Variants in PERP observed in about 807,000 individuals in gnomAD.
PERP encodes p53 apoptosis effector related to PMP22.
A neutral mutation model predicts 20.3 loss-of-function variants in PERP; 11 were observed. That is an observed-to-expected ratio of 0.54 (90% CI 0.34 to 0.90). PERP has a LOEUF of 0.90. Ranked by LOEUF, PERP falls within the 40% of genes least tolerant of loss-of-function variation. The pLI is 0.02. For synonymous variants in PERP, 101 were observed against 102.0 expected (o/e 0.99, Z 0.06); for missense variants, 224 against 249.4 (o/e 0.90, Z 0.69).
intron 1 of PERP, among the ~76,000 whole-genome samples, chr6:138,097,138 A>G (rs574537415): frequency 2.0e-5 from 3 of 152,330 alleles, no homozygotes; most frequent in Non-Finnish European, 2.9e-5. Flanking sequence ...TTAATTTCTT[A>G]AGTATTCAAA....
intron 1 of PERP, among the ~76,000 whole-genome samples, 165 bp from the exon 2 acceptor site, chr6:138,096,659 G>A (rs903459906): frequency 6.6e-6 from 1 of 152,100 alleles, no homozygotes; most frequent in African/African-American, 2.4e-5. Context: ...ATATTTTAAG[G>A]GAAGAACAGG....
At chr6:138,100,535 A>G (rs557804030) in intron 1 of PERP, among the ~76,000 whole-genome samples, 2 of 147,524 alleles carry the variant, frequency 1.4e-5, no homozygotes, top group South Asian at 2.2e-4. Flanking sequence ...TATTTTATAT[A>G]CCAGATTTGT....
rs1775561610 is a variant in PERP at position 138,090,522 on chromosome 6, T to G, written c.*1520A>C. On this transcript the variant is annotated 3_prime_UTR_variant, in exon 3 of 3. Transcript: ENST00000421351. ...AATCTCTTAGTCCATTTTCCTCTGG[T>G]TGATAGCACTGCAGAGAAATTGTTT... 1 of 152,160 alleles carries G rather than the reference T, an allele frequency of 6.6e-6. No homozygotes were observed. The highest frequency in any genetic ancestry group is 2.4e-5 in the African/African-American group (1 of 41,444). The allele number at this position is 152,160 out of a possible 1,614,324, so 9.4% of individuals were successfully genotyped here.
At chr6:138,094,600 T>C (rs889946691) in intron 2 of PERP, among the ~76,000 whole-genome samples, 7 of 152,240 alleles carry the variant, frequency 4.6e-5, no homozygotes, top group African/African-American at 1.7e-4. Context: ...TGAACATGGG[T>C]TACAAGTATC....
In PERP at chr6:138,107,189, C is replaced by T; in HGVS notation, c.152G>A (p.Cys51Tyr). Residue 51 changes from cysteine to tyrosine, a missense_variant, in exon 1 of 3, where the codon TGC becomes TAC. Cys to Tyr is a radical substitution (Grantham distance 194). Transcript: ENST00000421351. The surrounding 1 kb of genome is among the most constrained non-coding windows in gnomAD (Gnocchi z 4.8). ...CCCGCTGCCGCCGCCCTCTTGGGAG[C>T]ATTTCCACCACAGCGAGGACGTCTG... ...HGQTSSLWWK[C>Y]SQEGGGSGSY... The T allele has an allele frequency of 6.2e-7, 1 of 1,612,272 alleles. No homozygotes were observed. Among genetic ancestry groups the T allele is most frequent in the Non-Finnish European group, 8.5e-7 (1 of 1,179,608 alleles).
intron 1 of PERP, among the ~76,000 whole-genome samples, chr6:138,106,627 C>T (rs1057205049): frequency 4.0e-4 from 61 of 152,216 alleles, no homozygotes; most frequent in African/African-American, 1.4e-3. Context: ...AAAACGTTAA[C>T]TGCTAAAACT....
rs746723968 is a variant in PERP at position 138,088,553 on chromosome 6, G to A, written c.*3489C>T. The A allele has an allele frequency of 1.3e-5, 2 of 152,166 alleles. No individual in the cohort carries two copies. The highest frequency in any genetic ancestry group is 2.1e-4 in the South Asian group (1 of 4,830). 9.4% of individuals were successfully genotyped at this position (152,166 alleles called of 1,614,324 possible). On this transcript the variant is annotated 3_prime_UTR_variant, in exon 3 of 3. Transcript: ENST00000421351. Reference sequence around the variant, plus strand: ...GCAGCCAACAAAGTATGTTTTCGAGGTTAACAACGAAGCACAGGATAGTAC... The same window carrying A: ...GCAGCCAACAAAGTATGTTTTCGAGATTAACAACGAAGCACAGGATAGTAC...
At chr6:138,098,650 G>A (rs1775732665) in intron 1 of PERP, among the ~76,000 whole-genome samples, 1 of 152,114 alleles carries the variant, frequency 6.6e-6, no homozygotes, top group African/African-American at 2.4e-5. Flanking sequence ...ACAAACCTGA[G>A]CTAAGGCTCC....
chr6:138,092,399 G>T, intron 2 of PERP, 131 bp from the exon 3 acceptor site: 1 of 818,312 alleles, frequency 1.2e-6, no homozygotes. Flanking sequence ...CCTGGAGGCA[G>T]GAGGAATCTG....
rs977683081 is a variant in PERP, at chr6:138,089,587, T to A, written c.*2455A>T. 2 of 152,218 alleles carry A rather than the reference T, an allele frequency of 1.3e-5. No individual in the cohort carries two copies. Among genetic ancestry groups the A allele is most frequent in the Non-Finnish European group, 1.5e-5 (1 of 68,042 alleles). The allele number at this position is 152,218 out of a possible 1,614,324, so 9.4% of individuals were successfully genotyped here. A position where few individuals can be genotyped will look rare whatever the true frequency, so the allele number is the denominator to read the frequency against. ...ACTGAACCAAAAAGCACCTCAGCTT[T>A]ACTGTGGGAAATCTCATGCAATGCA... On this transcript the variant is annotated 3_prime_UTR_variant, in exon 3 of 3. Transcript: ENST00000421351.
intron 1 of PERP, among the ~76,000 whole-genome samples, chr6:138,097,186 C>T (rs1775706459): frequency 6.6e-6 from 1 of 152,016 alleles, no homozygotes; most frequent in African/African-American, 2.4e-5. Context: ...TTACCTTTGC[C>T]CTAAAAAAGA....
intron 2 of PERP, among the ~76,000 whole-genome samples, chr6:138,095,014 C>A (rs1047427591): frequency 6.6e-6 from 1 of 152,214 alleles, no homozygotes; most frequent in Non-Finnish European, 1.5e-5. Flanking sequence ...AGCCACCACA[C>A]CTGGCCTTAG....
intron 1 of PERP, among the ~76,000 whole-genome samples, chr6:138,104,125 T>G (rs1356739328): frequency 6.6e-6 from 1 of 152,232 alleles, no homozygotes; most frequent in Non-Finnish European, 1.5e-5. Context: ...GCTGAAAATA[T>G]CCTCCTGATG....
At chr6:138,096,536 C>A in intron 1 of PERP, 42 bp from the exon 2 acceptor site, 1 of 1,567,510 alleles carries the variant, frequency 6.4e-7, no homozygotes, top group Non-Finnish European at 8.6e-7. Flanking sequence ...GACAGACATA[C>A]CAAGTTTAAA....
rs186704984 is a variant in PERP at position 138,096,347 on chromosome 6, G to T, written c.355+7C>A. The stretch of plus-strand genomic sequence containing the variant: ...ATAAATGAAGAATTGCTGACACACA[G>T]TCTTACCAGCCAAGGCAAGGAGACC... On this transcript the variant is annotated splice_region_variant and intron_variant, in intron 2 of 2. Transcript: ENST00000421351. The T allele has an allele frequency of 6.2e-7, 1 of 1,613,716 alleles. No homozygotes were observed.
chr6:138,089,975 G>A lies in PERP; in HGVS notation c.*2067C>T, dbSNP rs1429408759. On this transcript the variant is annotated 3_prime_UTR_variant, in exon 3 of 3. Coordinates refer to ENST00000421351, the MANE Select transcript of PERP (RefSeq NM_022121.5). The stretch of plus-strand genomic sequence containing the variant: ...TGTGGTAGAGAAGCTTATAAACGGA[G>A]TCATTTTCATGTTTAACAGGAGACC... 6.6e-6 allele frequency: 1 copy of A among 152,112 alleles called. No individual in the cohort carries two copies. The allele number at this position is 152,112 out of a possible 1,614,324, so 9.4% of individuals were successfully genotyped here.
At chr6:138,102,651 T>C (rs1775791158) in intron 1 of PERP, among the ~76,000 whole-genome samples, 1 of 152,124 alleles carries the variant, frequency 6.6e-6, no homozygotes, top group Non-Finnish European at 1.5e-5. Flanking sequence ...GTGAGGCACA[T>C]GTGGAATGAA....
Position 138,092,129 on chromosome 6 carries a change from G to A in PERP, c.495C>T (p.Gly165=). 6.2e-7 allele frequency: 1 copy of A among 1,614,126 alleles called. No individual in the cohort carries two copies. The highest frequency in any genetic ancestry group is 8.5e-7 in the Non-Finnish European group (1 of 1,180,022). The change falls in exon 3 of 3, where the codon GGC becomes GGT. Residue 165 remains glycine, a synonymous_variant. Transcript: ENST00000421351. ...GGAGGCAGCAGAAGAAGAAGGCACA[G>A]CCAATCAGGATAATCGTGGCTGCCC... is the stretch of plus-strand genomic sequence containing the variant. ...FGWAATIILI[G]CAFFFCCLPN... is the part of the protein sequence containing the mutation.
chr6:138,099,762 C>T (rs1180831510), intron 1 of PERP, among the ~76,000 whole-genome samples: 1 of 152,146 alleles, frequency 6.6e-6, no homozygotes, highest in African/African-American at 2.4e-5. Flanking sequence ...GTTTCAAGTG[C>T]TTGGAAGGAA....
Sources: gnomAD v4.1 joint callset for allele counts (sites outside exome capture counted in the v4.1 genomes callset) on GRCh38, gnomAD v4.1.1 for gene constraint, Gnocchi (gnomAD v3.1) non-coding constraint, MANE v1.5 for transcripts, NCBI Gene and HGNC (gene_info 2026-07-23, HGNC 2026-07-21) for gene names.